Variants in ADGRL3 observed in about 807,000 individuals in gnomAD.
ADGRL3 encodes the protein adhesion G protein-coupled receptor L3.
ADGRL3 carries 62 observed loss-of-function variants against 153.5 expected under a neutral mutation model. That is an observed-to-expected ratio of 0.40 (90% confidence interval 0.33 to 0.50). The LOEUF is 0.50. ADGRL3 is among the 20% of genes least tolerant of loss of function. The pLI is 0.47. For missense variants in ADGRL3, 1,641 were observed against 1,859.4 expected (o/e 0.88, Z 2.16); for synonymous variants, 710 against 672.5 (o/e 1.06, Z -0.86).
chr4:61,518,796 G>A (rs1377965576), intron 4 of ADGRL3, among the ~76,000 whole-genome samples: 2 of 152,146 alleles, frequency 1.3e-5, no homozygotes, highest in East Asian at 3.9e-4. Context: ...ACTCCAGTGT[G>A]TTCTCAAAAT....
intron 2 of ADGRL3, among the ~76,000 whole-genome samples, chr4:61,395,291 C>T (rs1348166394): frequency 6.6e-6 from 1 of 151,826 alleles, no homozygotes; most frequent in Non-Finnish European, 1.5e-5. Context: ...TATGATAACA[C>T]CTTTGAAAAG....
chr4:61,644,682 T>C (rs1030977994), intron 5 of ADGRL3, among the ~76,000 whole-genome samples: 1 of 152,184 alleles, frequency 6.6e-6, no homozygotes, highest in Non-Finnish European at 1.5e-5. Context: ...CTTTTACATT[T>C]GCTGAGAAGA....
chr4:61,277,694 T>A (rs2093532751), intron 1 of ADGRL3, among the ~76,000 whole-genome samples: 1 of 152,156 alleles, frequency 6.6e-6, no homozygotes, highest in African/African-American at 2.4e-5. Flanking sequence ...TTAACCTTCC[T>A]GAAATCCATC....
At chr4:61,995,469 T>C (rs1457053656) in intron 19 of ADGRL3, among the ~76,000 whole-genome samples, 1 of 152,186 alleles carries the variant, frequency 6.6e-6, no homozygotes, top group Non-Finnish European at 1.5e-5. Flanking sequence ...TATTTACCAC[T>C]GGAGTTATTT....
intron 10 of ADGRL3, among the ~76,000 whole-genome samples, chr4:61,893,949 G>T (rs2098607854): frequency 6.6e-6 from 1 of 152,012 alleles, no homozygotes; most frequent in Admixed American, 6.6e-5. Flanking sequence ...GACCTCAGAT[G>T]ATCAGCCCGC....
At position 61,676,623 on chromosome 4, in the gene ADGRL3, T is replaced by C. The variant is rs368872738; in HGVS notation, c.474-203T>C. The stretch of plus-strand genomic sequence containing the variant: ...CAACCAAATATTAAATTAGCTAATA[T>C]GAGCAAGCTGAATAGATTCATTTTA... On this transcript the variant is annotated intron_variant, in intron 5 of 26. Transcript: ENST00000683033. Among the ~76,000 whole-genome samples, 132 of 152,116 alleles carry C rather than the reference T, an allele frequency of 8.7e-4. 2 individuals carry two copies. The highest frequency in any genetic ancestry group is 3.1e-3 in the African/African-American group (129 of 41,558).
intron 17 of ADGRL3, among the ~76,000 whole-genome samples, chr4:61,960,511 C>A (rs191075522): frequency 4.7e-4 from 71 of 152,276 alleles, no homozygotes; most frequent in Non-Finnish European, 7.9e-4. Flanking sequence ...TTACTCTGAG[C>A]ACTCTGGAAA....
At chr4:61,781,521 G>A (rs910074430) in intron 8 of ADGRL3, among the ~76,000 whole-genome samples, 14 of 151,920 alleles carry the variant, frequency 9.2e-5, no homozygotes, top group South Asian at 2.1e-4. Context: ...AGTAGTAGCC[G>A]GTTATTCTGA....
intron 1 of ADGRL3, among the ~76,000 whole-genome samples, chr4:61,369,990 C>G (rs1365723971): frequency 1.3e-5 from 2 of 151,934 alleles, no homozygotes; most frequent in East Asian, 3.9e-4. Context: ...TTATCCATTT[C>G]TTCTAGATTT....
At chr4:61,487,995 G>A (rs989676090) in intron 2 of ADGRL3, among the ~76,000 whole-genome samples, 1 of 151,978 alleles carries the variant, frequency 6.6e-6, no homozygotes, top group Non-Finnish European at 1.5e-5. Context: ...TATTGGTAAT[G>A]TTCTCCAATC....
chr4:61,694,795 A>G (rs771077610), intron 6 of ADGRL3, among the ~76,000 whole-genome samples: 4 of 152,234 alleles, frequency 2.6e-5, no homozygotes, highest in Non-Finnish European at 5.9e-5. Flanking sequence ...ATTGAAGTCA[A>G]TCCTCTCAAA....
At chr4:62,013,839 G>C (rs563751615) in intron 21 of ADGRL3, among the ~76,000 whole-genome samples, 10 of 151,780 alleles carry the variant, frequency 6.6e-5, no homozygotes, top group Admixed American at 2.0e-4. Flanking sequence ...AGTGAGCCGA[G>C]ATCGCACCAC....
intron 2 of ADGRL3, among the ~76,000 whole-genome samples, chr4:61,439,132 T>C (rs1461813294): frequency 1.3e-5 from 2 of 152,178 alleles, no homozygotes; most frequent in African/African-American, 4.8e-5. Context: ...ATCATCATGT[T>C]ATAGTATTGT....
In ADGRL3 at chr4:61,567,462, G is replaced by A. The variant is rs2098820990; in HGVS notation, c.260-19765G>A. 3.9e-5 allele frequency among the ~76,000 whole-genome samples: 6 copies of A among 152,258 alleles called. No homozygotes were observed. In the South Asian group the frequency reaches 1.2e-3, roughly 32 times the overall value. On this transcript the variant is annotated intron_variant, in intron 4 of 26. Transcript: ENST00000683033. ...TTGGATTAGTGTCCTTATAAAAAAG[G>A]CCTCAGAGAGCTGACTTGCCCCTTT...
At chr4:61,862,978 G>A (rs2149297805) in intron 9 of ADGRL3, among the ~76,000 whole-genome samples, 1 of 152,220 alleles carries the variant, frequency 6.6e-6, no homozygotes, top group South Asian at 2.1e-4. Context: ...GATTCTAATT[G>A]AGTAGGCTGG....
At chr4:61,889,660 A>G (rs2098558336) in intron 9 of ADGRL3, among the ~76,000 whole-genome samples, 1 of 152,236 alleles carries the variant, frequency 6.6e-6, no homozygotes, top group Non-Finnish European at 1.5e-5. Flanking sequence ...TCATTCTATT[A>G]TCTTTAAAAA....
At chr4:61,345,041 A>G (rs993115099) in intron 1 of ADGRL3, among the ~76,000 whole-genome samples, 8 of 151,274 alleles carry the variant, frequency 5.3e-5, no homozygotes, top group Non-Finnish European at 8.8e-5. Context: ...CAGGTGATCC[A>G]TCCGCCTCGG....
chr4:61,580,196 C>T (rs1192707998), intron 4 of ADGRL3, among the ~76,000 whole-genome samples: 2 of 152,066 alleles, frequency 1.3e-5, no homozygotes, highest in Non-Finnish European at 2.9e-5. Flanking sequence ...TTAGCCTTGA[C>T]TTACAAATAG....
In ADGRL3 at chr4:61,490,482, A is replaced by G. The variant is rs375598148; in HGVS notation, c.-173-6639A>G. On this transcript the variant is annotated intron_variant, in intron 2 of 26. Transcript: ENST00000683033. The stretch of plus-strand genomic sequence containing the variant: ...ATACTTGTAATAAATTAACAAAGAA[A>G]CACACATGTAAATTTGTTGAATTAA... Among the ~76,000 whole-genome samples the G allele has an allele frequency of 3.9e-5, 6 of 152,240 alleles. No homozygotes were observed. The East Asian group carries it at 1.2e-3, about 29-fold the overall frequency.
Sources: gnomAD v4.1 joint callset for allele counts (sites outside exome capture counted in the v4.1 genomes callset) on GRCh38, gnomAD v4.1.1 for gene constraint, MANE v1.5 for transcripts, NCBI Gene and HGNC (gene_info 2026-07-23, HGNC 2026-07-21) for gene names.